PHACTR1: variants seen among roughly 807,000 people sequenced by gnomAD.
The protein encoded by PHACTR1 is RPEL repeat containing 1.
Under a neutral mutation model 69.2 loss-of-function variants are expected in PHACTR1, and 16 were observed. The ratio of observed to expected loss-of-function variants is 0.23; its 90% CI spans 0.16 to 0.35. PHACTR1 has a LOEUF of 0.35. Among genes scored for constraint, PHACTR1 ranks in the 10% least tolerant of loss-of-function variants. PHACTR1 has a pLI of 1.00. For missense variants in PHACTR1, 510 were observed against 734.7 expected (o/e 0.69, Z 3.54); for synonymous variants, 312 against 284.5 (o/e 1.10, Z -0.97).
chr6:13,014,777 T>C (rs879747757), intron 4 of PHACTR1, among the ~76,000 whole-genome samples: 2 of 152,202 alleles, frequency 1.3e-5, no homozygotes, highest in Non-Finnish European at 1.5e-5. Context: ...CCTGGGCGTG[T>C]GCGAGCCAGA....
chr6:13,205,978 C>T lies in PHACTR1; in HGVS notation c.828C>T (p.His276=), dbSNP rs781188289. Residue 276 remains histidine (H), a synonymous_variant, in exon 8 of 15, where the codon CAC becomes CAT. Coordinates refer to ENST00000332995, the MANE Select transcript of PHACTR1 (RefSeq NM_030948.6). ...SGQQGVAQHH[H]TVLPSQIQHQ... is the part of the protein sequence containing the mutation. Reference sequence around the variant, plus strand: ...AGCAGGGTGTGGCCCAGCACCACCACACTGTCCTGCCCTCCCAGATCCAGC... The same window carrying T: ...AGCAGGGTGTGGCCCAGCACCACCATACTGTCCTGCCCTCCCAGATCCAGC... 2.5e-6 allele frequency: 4 copies of T among 1,613,946 alleles called. No homozygotes were observed. In the African/African-American group the frequency reaches 5.3e-5, roughly 22 times the overall value.
At chr6:13,121,599 ATG>A (rs1327303375) in intron 5 of PHACTR1, among the ~76,000 whole-genome samples, 3 of 152,204 alleles carry the variant, frequency 2.0e-5, no homozygotes, top group African/African-American at 4.8e-5. Context: ...AATTTGATGA[ATG>A]TGAATTTATT....
chr6:13,199,012 T>TA (rs1350763039), intron 7 of PHACTR1, among the ~76,000 whole-genome samples: 1 of 152,130 alleles, frequency 6.6e-6, no homozygotes, highest in East Asian at 1.9e-4. Flanking sequence ...ACTGTGGACT[T>TA]ATTGAATCTG....
At chr6:12,945,948 G>A (rs1295710762) in intron 4 of PHACTR1, among the ~76,000 whole-genome samples, 1 of 148,674 alleles carries the variant, frequency 6.7e-6, no homozygotes, top group Non-Finnish European at 1.5e-5. Flanking sequence ...GGGTAACAGA[G>A]CAAGACTCTG....
rs551064702 is a variant in PHACTR1 at position 12,942,963 on chromosome 6, C to T, written c.251-110402C>T. 7.9e-5 allele frequency among the ~76,000 whole-genome samples: 12 copies of T among 152,310 alleles called. No individual in the cohort carries two copies. The South Asian group carries it at 2.5e-3, about 32-fold the overall frequency. ...TTCAATAGAAAAGTATTATTCATTC[C>T]TCAATAGGTTAAACATAGAATTACC... On this transcript the variant is annotated intron_variant, in intron 4 of 14. Coordinates refer to ENST00000332995, the MANE Select transcript of PHACTR1 (RefSeq NM_030948.6).
chr6:13,046,157 G>A (rs1401721034), intron 4 of PHACTR1, among the ~76,000 whole-genome samples: 1 of 152,114 alleles, frequency 6.6e-6, no homozygotes, highest in South Asian at 2.1e-4. Flanking sequence ...TTGCATCTGG[G>A]GTGTGGGTGT....
rs183358128 is a variant in PHACTR1, at chr6:13,203,768, C to T, written c.665-2047C>T. 5.3e-5 allele frequency among the ~76,000 whole-genome samples: 8 copies of T among 152,274 alleles called. No individual in the cohort carries two copies. In the East Asian group the frequency reaches 1.5e-3, roughly 29 times the overall value. On this transcript the variant is annotated intron_variant, in intron 7 of 14. Coordinates refer to ENST00000332995, the MANE Select transcript of PHACTR1 (RefSeq NM_030948.6). ...ACATCAGGCAGTTTAGGAAACTCAG[C>T]AGTTCAGGAGTGAGGGTGGATGGTC...
intron 4 of PHACTR1, among the ~76,000 whole-genome samples, chr6:12,973,580 G>A (rs1309736110): frequency 6.6e-6 from 1 of 152,158 alleles, no homozygotes; most frequent in South Asian, 2.1e-4. Context: ...CATTTCATTC[G>A]AGACAAATAT....
intron 7 of PHACTR1, among the ~76,000 whole-genome samples, chr6:13,202,995 A>G (rs1765434785): frequency 1.3e-5 from 2 of 152,250 alleles, no homozygotes; most frequent in African/African-American, 4.8e-5. Flanking sequence ...ACTGGTTTGC[A>G]TTCTGGTGTT....
intron 13 of PHACTR1, among the ~76,000 whole-genome samples, chr6:13,284,952 G>A (rs544948112): frequency 7.2e-5 from 11 of 152,206 alleles, no homozygotes; most frequent in Non-Finnish European, 1.5e-4. Flanking sequence ...TTCTCTGCAA[G>A]GGAATTTGTG....
At chr6:12,822,219 AGAG>A (rs748996587) in intron 4 of PHACTR1, among the ~76,000 whole-genome samples, 34 of 152,162 alleles carry the variant, frequency 2.2e-4, no homozygotes, top group Non-Finnish European at 4.3e-4. Context: ...ATGTGTTTTG[AGAG>A]GAGGAGATGT....
intron 6 of PHACTR1, among the ~76,000 whole-genome samples, chr6:13,176,283 T>C (rs898201617): frequency 6.6e-6 from 1 of 152,232 alleles, no homozygotes; most frequent in Non-Finnish European, 1.5e-5. Context: ...CCTGCACTCA[T>C]ATTTCATTTT....
At chr6:13,169,447 T>C (rs1025282079) in intron 6 of PHACTR1, among the ~76,000 whole-genome samples, 1 of 152,146 alleles carries the variant, frequency 6.6e-6, no homozygotes, top group Non-Finnish European at 1.5e-5. Context: ...AGAGAGAATG[T>C]AGAGTAGGAA....
intron 4 of PHACTR1, among the ~76,000 whole-genome samples, chr6:13,006,835 C>T (rs1050737403): frequency 9.2e-5 from 14 of 152,148 alleles, no homozygotes; most frequent in African/African-American, 3.4e-4. Context: ...TGCGTCACTT[C>T]AGAACCCAAA....
At chr6:12,783,602 A>G (rs1376061165) in intron 4 of PHACTR1, among the ~76,000 whole-genome samples, 2 of 152,150 alleles carry the variant, frequency 1.3e-5, no homozygotes, top group East Asian at 1.9e-4. Context: ...GTGAAGAAAG[A>G]CAATAATAAA....
At chr6:13,192,086 G>C (rs188991061) in intron 7 of PHACTR1, among the ~76,000 whole-genome samples, 1 of 152,322 alleles carries the variant, frequency 6.6e-6, no homozygotes. Context: ...TGCCTGCTAT[G>C]TGCAAGGTGT....
At chr6:12,778,895 C>T (rs1770441655) in intron 4 of PHACTR1, among the ~76,000 whole-genome samples, 1 of 152,184 alleles carries the variant, frequency 6.6e-6, no homozygotes, top group Non-Finnish European at 1.5e-5. Context: ...AAGGGTCCCC[C>T]CTCCCCTGCA....
chr6:13,166,502 A>C (rs945953606), intron 6 of PHACTR1, among the ~76,000 whole-genome samples: 55 of 152,182 alleles, frequency 3.6e-4, no homozygotes, highest in Non-Finnish European at 1.5e-4. Flanking sequence ...GGCATGAGGT[A>C]ATTTCTGCAT....
intron 4 of PHACTR1, among the ~76,000 whole-genome samples, chr6:12,941,889 T>C (rs1174373794): frequency 6.6e-6 from 1 of 152,196 alleles, no homozygotes; most frequent in Admixed American, 6.5e-5. Flanking sequence ...CAAAACATCA[T>C]GAGTGGACCT....
Sources: allele counts gnomAD v4.1 joint callset (sites outside exome capture counted in the v4.1 genomes callset), GRCh38; gene constraint gnomAD v4.1.1; transcripts MANE v1.5; gene names NCBI Gene and HGNC (gene_info 2026-07-23, HGNC 2026-07-21).